GLTP: variants seen among roughly 807,000 people sequenced by gnomAD.
The protein encoded by GLTP is glycolipid transfer protein.
GLTP carries 22 observed loss-of-function variants against 24.0 expected under a neutral mutation model. The ratio of observed to expected loss-of-function variants is 0.92; its 90% CI spans 0.65 to 1.31. The LOEUF (loss-of-function observed/expected upper bound fraction) is 1.31. GLTP is among the 50% of genes most tolerant of loss of function. The probability of loss-of-function intolerance (pLI) is 0.00; values close to 1 mark genes in which losing one functional copy is unlikely to be tolerated. For missense variants in GLTP, 224 were observed against 276.6 expected, an observed-to-expected ratio of 0.81 and a Z score of 1.35; for synonymous variants, 92 against 115.9, an observed-to-expected ratio of 0.79 and a Z score of 1.33.
chr12:109,858,626 G>C, intron 2 of GLTP, 57 bp downstream of exon 2: 1 of 1,279,508 alleles, frequency 7.8e-7, no homozygotes, highest in Non-Finnish European at 1.1e-6. Context: ...GGTAACCCAG[G>C]TGGGCTTAGA....
In GLTP at chr12:109,875,370, G is replaced by A. The variant is rs553558760; in HGVS notation, c.103+4902C>T. On this transcript the variant is annotated intron_variant, in intron 1 of 4. Transcript: ENST00000318348. ...GGGGCTGATGTGGGGAAGCTCTGGAGGCAAGAGTATGACAATACTGCCATG... is the reference window on the plus strand; with the variant it reads ...GGGGCTGATGTGGGGAAGCTCTGGAAGCAAGAGTATGACAATACTGCCATG... Among the ~76,000 whole-genome samples the A allele has an allele frequency of 1.5e-4, 23 of 152,258 alleles. No homozygotes were observed. The South Asian group carries it at 4.8e-3, about 32-fold the overall frequency.
chr12:109,869,810 C>T (rs190694075), intron 1 of GLTP, among the ~76,000 whole-genome samples: 133 of 139,736 alleles, frequency 9.5e-4, no homozygotes, highest in Admixed American at 1.7e-3. Context: ...CACTCTGTTG[C>T]CCAGGCTGGA....
chr12:109,858,270 A>G, intron 2 of GLTP: 1 of 458,344 alleles, frequency 2.2e-6, no homozygotes, highest in Non-Finnish European at 4.4e-6. Context: ...AGTGTGTCCC[A>G]AGCCCTTGGC....
intron 1 of GLTP, chr12:109,860,170 G>T (rs1359454867): frequency 6.5e-6 from 1 of 153,982 alleles, no homozygotes; most frequent in African/African-American, 2.4e-5. Context: ...TAGAGATGGG[G>T]TTTCACCATG....
chr12:109,861,809 C>A (rs915247116), intron 1 of GLTP, among the ~76,000 whole-genome samples: 3 of 152,148 alleles, frequency 2.0e-5, no homozygotes, highest in Non-Finnish European at 4.4e-5. Context: ...ACACTCAGTA[C>A]CTGAACTTCA....
intron 1 of GLTP, among the ~76,000 whole-genome samples, chr12:109,868,856 C>T (rs1365325390): frequency 1.3e-5 from 2 of 151,966 alleles, no homozygotes; most frequent in Admixed American, 6.6e-5. Context: ...TCTGGGGGTG[C>T]GGGTTGTCAT....
chr12:109,870,775 G>A (rs1384453073), intron 1 of GLTP, among the ~76,000 whole-genome samples: 1 of 152,108 alleles, frequency 6.6e-6, no homozygotes. Context: ...ATCTCAGAAG[G>A]GAGTGAAGTA....
intron 1 of GLTP, among the ~76,000 whole-genome samples, chr12:109,875,756 G>A (rs896902245): frequency 6.6e-6 from 1 of 152,210 alleles, no homozygotes; most frequent in Non-Finnish European, 1.5e-5. Context: ...ATATGGATGC[G>A]CTAAATCAGG....
Position 109,880,384 on chromosome 12 carries a change from G to C in GLTP, c.-10C>G. 3 of 1,532,922 alleles carry C rather than the reference G, an allele frequency of 2.0e-6. No homozygotes were observed. In the South Asian group the frequency reaches 3.5e-5, roughly 18 times the overall value. The allele number at this position is 1,532,922 out of a possible 1,614,324, so 95.0% of individuals were successfully genotyped here. On this transcript the variant is annotated 5_prime_UTR_variant, in exon 1 of 5. Transcript: ENST00000318348. The surrounding 1 kb of genome is among the most constrained non-coding windows in gnomAD (Gnocchi z 5.1). ...CGGCCAGCAGCGCCATTTCGGGGTCGAGGCCCGCGGTGATGCCCCAGCCGG... is the reference window on the plus strand; with the variant it reads ...CGGCCAGCAGCGCCATTTCGGGGTCCAGGCCCGCGGTGATGCCCCAGCCGG...
At chr12:109,854,978 C>T (rs1892777083) in intron 4 of GLTP, among the ~76,000 whole-genome samples, 1 of 152,180 alleles carries the variant, frequency 6.6e-6, no homozygotes, top group Non-Finnish European at 1.5e-5. Context: ...GAAAGGGTGG[C>T]CAGAACAGGC....
chr12:109,872,309 G>T (rs1868742659), intron 1 of GLTP, among the ~76,000 whole-genome samples: 1 of 152,154 alleles, frequency 6.6e-6, no homozygotes, highest in South Asian at 2.1e-4. Flanking sequence ...TGGGCCTTTT[G>T]CCACACAGCT....
chr12:109,876,804 ACT>A (rs1162662328), intron 1 of GLTP, among the ~76,000 whole-genome samples: 1 of 152,162 alleles, frequency 6.6e-6, no homozygotes, highest in Non-Finnish European at 1.5e-5. Flanking sequence ...ACAGGGTCTC[ACT>A]CTGTCAACCA....
chr12:109,877,102 C>T (rs1358435826), intron 1 of GLTP, among the ~76,000 whole-genome samples: 3 of 152,232 alleles, frequency 2.0e-5, no homozygotes, highest in African/African-American at 4.8e-5. Flanking sequence ...GATCCGCCCA[C>T]CTTGGCCTCC....
intron 2 of GLTP, among the ~76,000 whole-genome samples, chr12:109,858,472 G>A (rs1892830761): frequency 6.6e-6 from 1 of 152,224 alleles, no homozygotes; most frequent in Admixed American, 6.5e-5. Context: ...TTTGGTTCCA[G>A]TCAGGCTAGA....
chr12:109,873,997 C>T (rs183325436), intron 1 of GLTP, among the ~76,000 whole-genome samples: 1 of 152,324 alleles, frequency 6.6e-6, no homozygotes, highest in Non-Finnish European at 1.5e-5. Context: ...GTCTGTGGCA[C>T]CCACACCACT....
Position 109,880,467 on chromosome 12 carries a change from A to T in GLTP, c.-93T>A, listed in dbSNP as rs1465516015. 1 of 359,188 alleles carries T rather than the reference A, an allele frequency of 2.8e-6. No homozygotes were observed. The highest frequency in any genetic ancestry group is 2.2e-5 in the African/African-American group (1 of 45,560). 22.3% of individuals were successfully genotyped at this position (359,188 alleles called of 1,614,324 possible). A position where few individuals can be genotyped will look rare whatever the true frequency, so the allele number is the denominator to read the frequency against. Reference sequence around the variant, plus strand: ...CCGCCGTCAGCGCCGGGGCCGTCACAGCCGCCCGCCGCAGGCTCCGGGGAC... The same window carrying T: ...CCGCCGTCAGCGCCGGGGCCGTCACTGCCGCCCGCCGCAGGCTCCGGGGAC... On this transcript the variant is annotated 5_prime_UTR_variant, in exon 1 of 5. Coordinates refer to ENST00000318348, the MANE Select transcript of GLTP (RefSeq NM_016433.4). This position sits in a 1 kb window ranked among gnomAD's most constrained non-coding sequence, Gnocchi z 5.1.
chr12:109,856,999 A>C (rs544123634), intron 3 of GLTP, among the ~76,000 whole-genome samples: 1 of 151,542 alleles, frequency 6.6e-6, no homozygotes, highest in South Asian at 2.1e-4. Flanking sequence ...GTGCCACTGC[A>C]CTCCAGCCTG....
At chr12:109,858,815 G>A in intron 1 of GLTP, 74 bp from the exon 2 acceptor site, 1 of 961,548 alleles carries the variant, frequency 1.0e-6, no homozygotes, top group East Asian at 2.4e-5. Context: ...AGGCCATGGG[G>A]ACATGGAAGG....
intron 1 of GLTP, among the ~76,000 whole-genome samples, chr12:109,866,950 C>A (rs1466288014): frequency 8.2e-6 from 1 of 122,092 alleles, no homozygotes. Context: ...TTTTTTTTTA[C>A]CTTTTGTAGA....
Sources: allele counts gnomAD v4.1 joint callset (sites outside exome capture counted in the v4.1 genomes callset), GRCh38; gene constraint gnomAD v4.1.1; non-coding constraint Gnocchi (gnomAD v3.1); transcripts MANE v1.5; gene names NCBI Gene and HGNC (gene_info 2026-07-23, HGNC 2026-07-21).